The following KHDRBS2 variants were observed in gnomAD, a reference collection of about 807,000 sequenced individuals.
KHDRBS2 encodes KH RNA binding domain containing, signal transduction associated 2.
In KHDRBS2, 26 loss-of-function variants were observed where a neutral mutation model predicts 44.3. The observed-to-expected ratio is 0.59, with a 90% CI of 0.43 to 0.81. The LOEUF is 0.81. KHDRBS2 is among the 40% of genes least tolerant of loss of function. KHDRBS2 has a pLI of 0.00. For missense variants in KHDRBS2, 476 were observed against 433.1 expected (o/e 1.10, Z -0.88); for synonymous variants, 194 against 151.1 (o/e 1.28, Z -2.08).
Position 61,984,521 on chromosome 6 carries a change from C to CAAACCAA in KHDRBS2, c.337-6310_337-6309insTTGGTTT, listed in dbSNP as rs1338879418. ...TACTGAAACAGAGATTTACCAAAGT[C>CAAACCAA]AGCTACCACAACCCCTGACTCTGGA... On this transcript the variant is annotated intron_variant, in intron 3 of 8. Transcript: ENST00000281156. 5.7e-4 allele frequency among the ~76,000 whole-genome samples: 87 copies of CAAACCAA among 152,312 alleles called. 2 individuals are homozygous for CAAACCAA. In the South Asian group the frequency reaches 0.018, roughly 31 times the overall value.
At chr6:61,840,912 C>G (rs1356973120) in intron 6 of KHDRBS2, among the ~76,000 whole-genome samples, 1 of 152,040 alleles carries the variant, frequency 6.6e-6, no homozygotes, top group Non-Finnish European at 1.5e-5. Context: ...GACATGCAGT[C>G]CAAGTAACAG....
chr6:61,679,372 T>G (rs1163163639), downstream of KHDRBS2, among the ~76,000 whole-genome samples: 1 of 151,982 alleles, frequency 6.6e-6, no homozygotes, highest in Non-Finnish European at 1.5e-5. Context: ...ATTAGTTGTT[T>G]TAATAGCCTA....
intron 8 of KHDRBS2, among the ~76,000 whole-genome samples, chr6:61,695,673 TTAATA>T (rs1767824295): frequency 6.6e-6 from 1 of 152,170 alleles, no homozygotes; most frequent in African/African-American, 2.4e-5. Flanking sequence ...ATAAAAATAC[TTAATA>T]TTTCAATTTA....
chr6:61,743,532 C>T (rs1476247205), intron 6 of KHDRBS2, among the ~76,000 whole-genome samples: 2 of 151,794 alleles, frequency 1.3e-5, no homozygotes, highest in Admixed American at 6.6e-5. Flanking sequence ...TGGGATTTTA[C>T]CTGTTAAAAC....
chr6:61,543,438 G>T, the KHDRBS2 span, among the ~76,000 whole-genome samples: 2 of 151,882 alleles, frequency 1.3e-5, no homozygotes, highest in African/African-American at 4.8e-5. Context: ...CCGAAAGACA[G>T]GCAATGACAA....
intron 2 of KHDRBS2, among the ~76,000 whole-genome samples, chr6:62,105,312 A>C (rs542962397): frequency 3.8e-4 from 58 of 152,212 alleles, no homozygotes; most frequent in Admixed American, 1.0e-3. Context: ...ACAGAAAAAG[A>C]AAATTCACAC....
In KHDRBS2 at chr6:62,286,126, T is replaced by C. The variant is rs1414660555; in HGVS notation, c.-178A>G. 4 of 578,822 alleles carry C rather than the reference T, an allele frequency of 6.9e-6. No homozygotes were observed. The highest frequency in any genetic ancestry group is 6.5e-5 in the Admixed American group (2 of 30,706). 35.9% of individuals were successfully genotyped at this position (578,822 alleles called of 1,614,324 possible). Reference sequence around the variant, plus strand: ...CTGCGACTCCCGCCGTCGGGCTGCGTGGCCCCGCGCCCACACCTGCCCGTC... The same window carrying C: ...CTGCGACTCCCGCCGTCGGGCTGCGCGGCCCCGCGCCCACACCTGCCCGTC... On this transcript the variant is annotated 5_prime_UTR_variant, in exon 1 of 9. Transcript: ENST00000281156.
At chr6:61,860,711 T>G (rs1796821685) in intron 6 of KHDRBS2, among the ~76,000 whole-genome samples, 1 of 152,108 alleles carries the variant, frequency 6.6e-6, no homozygotes, top group Admixed American at 6.6e-5. Context: ...ATAGAATGGT[T>G]TCTCTTCCTT....
At chr6:61,590,067 A>T in the KHDRBS2 span, among the ~76,000 whole-genome samples, 1 of 152,168 alleles carries the variant, frequency 6.6e-6, no homozygotes, top group Non-Finnish European at 1.5e-5. Flanking sequence ...GCCAAATAGA[A>T]ACAAATATTA....
the KHDRBS2 span, among the ~76,000 whole-genome samples, chr6:61,572,520 A>T: frequency 6.6e-6 from 1 of 152,194 alleles, no homozygotes; most frequent in East Asian, 1.9e-4. Flanking sequence ...CAAACAAACA[A>T]AAAAAACTAC....
At chr6:62,205,652 G>C (rs1827822438) in intron 1 of KHDRBS2, among the ~76,000 whole-genome samples, 1 of 152,058 alleles carries the variant, frequency 6.6e-6, no homozygotes, top group African/African-American at 2.4e-5. Context: ...GAAAAGAGTA[G>C]AGATGCAGGG....
intron 3 of KHDRBS2, among the ~76,000 whole-genome samples, chr6:62,041,239 G>A (rs1306272366): frequency 3.3e-5 from 5 of 152,002 alleles, no homozygotes; most frequent in African/African-American, 9.7e-5. Context: ...TCTGAGGCAG[G>A]AGAATCACTT....
In KHDRBS2 at chr6:62,179,203, A is replaced by C. The variant is rs184299038; in HGVS notation, c.92-1891T>G. Among the ~76,000 whole-genome samples the C allele has an allele frequency of 2.0e-5, 3 of 151,756 alleles. No homozygotes were observed. The East Asian group carries it at 5.8e-4, about 29-fold the overall frequency. The stretch of plus-strand genomic sequence containing the variant: ...TACTTACCCAGGTAATACCTGAGTG[A>C]AATCTACACTGCATAATTTTTACGA... On this transcript the variant is annotated intron_variant, in intron 1 of 8. Coordinates refer to ENST00000281156, the MANE Select transcript of KHDRBS2 (RefSeq NM_152688.4).
At chr6:61,661,525 C>A in the KHDRBS2 span, among the ~76,000 whole-genome samples, 1 of 151,876 alleles carries the variant, frequency 6.6e-6, no homozygotes, top group Non-Finnish European at 1.5e-5. Flanking sequence ...ATCCATCCAA[C>A]CTTTTGTATT....
At chr6:61,763,109 T>C (rs1434200062) in intron 6 of KHDRBS2, among the ~76,000 whole-genome samples, 5 of 152,158 alleles carry the variant, frequency 3.3e-5, no homozygotes, top group Admixed American at 2.0e-4. Flanking sequence ...ATTCCCATCA[T>C]ATGTGATCTC....
At chr6:61,977,690 A>G (rs1233013190) in intron 4 of KHDRBS2, among the ~76,000 whole-genome samples, 10 of 152,164 alleles carry the variant, frequency 6.6e-5, no homozygotes, top group Non-Finnish European at 2.9e-5. Context: ...CCACTACACC[A>G]GGAAATAATT....
intron 1 of KHDRBS2, among the ~76,000 whole-genome samples, chr6:62,250,620 G>C (rs1212288466): frequency 1.3e-5 from 2 of 151,872 alleles, no homozygotes; most frequent in Non-Finnish European, 2.9e-5. Flanking sequence ...ATATGTGGAG[G>C]GAGTGCTGTA....
intron 1 of KHDRBS2, among the ~76,000 whole-genome samples, chr6:62,222,639 T>C (rs1385304306): frequency 1.3e-5 from 2 of 152,138 alleles, no homozygotes; most frequent in Non-Finnish European, 2.9e-5. Flanking sequence ...ATACCTCCCC[T>C]GGCCCCTCCC....
At chr6:61,711,909 T>C (rs9450329) in intron 7 of KHDRBS2, among the ~76,000 whole-genome samples, 1,846 of 151,964 alleles carry the variant, frequency 0.012, 45 homozygotes, top group African/African-American at 0.043. Flanking sequence ...ATCAACATCA[T>C]ACAACAATAA....
Sources: gnomAD v4.1 joint callset for allele counts (sites outside exome capture counted in the v4.1 genomes callset) on GRCh38, gnomAD v4.1.1 for gene constraint, MANE v1.5 for transcripts, NCBI Gene and HGNC (gene_info 2026-07-23, HGNC 2026-07-21) for gene names.